CRYBG3: variants seen among roughly 807,000 people sequenced by gnomAD.
CRYBG3 encodes very large A-kinase anchor protein.
CRYBG3 carries 127 observed loss-of-function variants against 244.2 expected under a neutral mutation model. That is an observed-to-expected ratio of 0.52 (90% CI 0.45 to 0.60). The LOEUF (loss-of-function observed/expected upper bound fraction) is 0.60, where lower values mean the gene tolerates loss of function less well. Among genes scored for constraint, CRYBG3 ranks in the 20% least tolerant of loss-of-function variants. The pLI is 0.00. For missense variants in CRYBG3, 3,325 were observed against 3,442.5 expected, an observed-to-expected ratio of 0.97 and a Z score of 0.85; for synonymous variants, 1,132 against 1,195.8, an observed-to-expected ratio of 0.95 and a Z score of 1.10.
chr3:97,939,184 A>C (rs184555661), intron 19 of CRYBG3, among the ~76,000 whole-genome samples: 1 of 152,156 alleles, frequency 6.6e-6, no homozygotes, highest in East Asian at 1.9e-4. Context: ...TACTTTTACA[A>C]GGAAGTTTTT....
At position 97,875,271 on chromosome 3, in the gene CRYBG3, G is replaced by C; in HGVS notation, c.4077G>C (p.Leu1359Phe). Residue 1359 changes from leucine (L) to phenylalanine (F), a missense_variant, in exon 4 of 22, where the codon TTG (leucine) becomes TTC (phenylalanine). Leu to Phe is a conservative substitution (Grantham distance 22). Around this residue, in one of 4 missense-constraint regions of CRYBG3, gnomAD observed 635 missense variants for 771.7 expected, o/e 0.82. Transcript: ENST00000389622. The part of the protein sequence containing the change: ...VKPHDVVREF[L>F]VSEQPVNQST... ...CACATGATGTAGTTAGAGAGTTCTT[G>C]GTTTCAGAACAGCCAGTAAATCAAA... The C allele has an allele frequency of 2.0e-6, 3 of 1,472,392 alleles. No homozygotes were observed. Among genetic ancestry groups the C allele is most frequent in the Non-Finnish European group, 2.7e-6 (3 of 1,119,978 alleles). 91.2% of individuals were successfully genotyped at this position (1,472,392 alleles called of 1,614,324 possible).
Position 97,892,880 on chromosome 3 carries a change from T to G in CRYBG3, c.7461T>G (p.Pro2487=). Residue 2487 remains proline, a synonymous_variant, in exon 11 of 22, where the codon CCT becomes CCG. Transcript: ENST00000389622. ...MNLKVIIYEK[P]HFHGQAKEFS... ...TTCAGGTTATTATTTATGAAAAACC[T>G]CACTTCCATGGACAGGCTAAAGAGT... The G allele has an allele frequency of 6.6e-7, 1 of 1,507,036 alleles. No homozygotes were observed. The highest frequency in any genetic ancestry group is 1.2e-5 in the South Asian group (1 of 80,190). The allele number at this position is 1,507,036 out of a possible 1,614,324, so 93.4% of individuals were successfully genotyped here.
intron 1 of CRYBG3, among the ~76,000 whole-genome samples, chr3:97,838,115 T>C (rs1429694676): frequency 6.6e-6 from 1 of 152,100 alleles, no homozygotes; most frequent in African/African-American, 2.4e-5. Context: ...CAGTCTGTGG[T>C]ATGGACTGAA....
intron 7 of CRYBG3, among the ~76,000 whole-genome samples, chr3:97,883,658 A>G (rs940397116): frequency 4.6e-5 from 7 of 152,086 alleles, no homozygotes; most frequent in African/African-American, 1.7e-4. Flanking sequence ...TTTTAGTTGC[A>G]GTGTTAGTTC....
In CRYBG3 at chr3:97,873,343, C is replaced by A. The variant is rs988921740; in HGVS notation, c.2149C>A (p.Pro717Thr). Residue 717 changes from proline to threonine, a missense_variant, in exon 4 of 22, where the codon CCT becomes ACT. By Grantham distance (38) the Pro-to-Thr change is conservative. This residue lies in a region of CRYBG3 where 1,526 missense variants were observed against 1,443.2 expected (regional missense o/e 1.06). Coordinates refer to ENST00000389622, the MANE Select transcript of CRYBG3 (RefSeq NM_153605.4). ...TGTTGAGGCTGCAGGCAGGAAGAGTCCTCCTCCTTCCTTTTGCCTTGAATA... is the reference window on the plus strand; with the variant it reads ...TGTTGAGGCTGCAGGCAGGAAGAGTACTCCTCCTTCCTTTTGCCTTGAATA... ...NHVEAAGRKSPPPSFCLEYTS... is the reference protein window; with the variant it reads ...NHVEAAGRKSTPPSFCLEYTS... 3 of 1,535,658 alleles carry A rather than the reference C, an allele frequency of 2.0e-6. No individual in the cohort carries two copies. The African/African-American group carries it at 4.1e-5, about 21-fold the overall frequency.
At chr3:97,907,379 A>G (rs1385216757) in intron 15 of CRYBG3, among the ~76,000 whole-genome samples, 2 of 150,808 alleles carry the variant, frequency 1.3e-5, no homozygotes, top group Non-Finnish European at 3.0e-5. Flanking sequence ...CTGGTCCTGG[A>G]CTCTTTTTGG....
intron 1 of CRYBG3, among the ~76,000 whole-genome samples, chr3:97,839,690 C>T (rs1469696267): frequency 2.0e-5 from 3 of 151,926 alleles, no homozygotes; most frequent in Non-Finnish European, 4.4e-5. Context: ...CTCTATCACC[C>T]AGGTGGAGTA....
Position 97,873,382 on chromosome 3 carries a change from T to C in CRYBG3, c.2188T>C (p.Phe730Leu), listed in dbSNP as rs993607706. 6.5e-7 allele frequency: 1 copy of C among 1,535,830 alleles called. No homozygotes were observed. The highest frequency in any genetic ancestry group is 2.0e-5 in the Admixed American group (1 of 50,960). The change falls in exon 4 of 22, where the codon TTT becomes CTT. Residue 730 changes from phenylalanine to leucine, a missense_variant. Transcript: ENST00000389622. ...TTGCCTTGAATATACATCTGCAATT[T>C]TTGAATTCAAAGAAGTTCTTTCTAA... ...SFCLEYTSAI[F>L]EFKEVLSNSE... is the part of the protein sequence containing the mutation.
In CRYBG3 at chr3:97,864,346, C is replaced by T. The variant is rs754578702; in HGVS notation, c.346C>T (p.Gln116Ter). The change falls in exon 3 of 22, where the codon CAG becomes TAG. Residue 116 changes from glutamine (Q) to a stop codon, truncating the protein, a stop_gained. Coordinates refer to ENST00000389622, the MANE Select transcript of CRYBG3 (RefSeq NM_153605.4). LOFTEE classifies it high-confidence loss of function. ...TACCAAAATAGGAGAAAGTGACAGA[C>T]AGCCAAAAGAAAGCTTTTTTCAGTT... The part of the protein sequence containing the change: ...SDTKIGESDR[Q>*]PKESFFQFLG... The T allele has an allele frequency of 1.3e-6, 2 of 1,535,758 alleles. No homozygotes were observed. Among genetic ancestry groups the T allele is most frequent in the Non-Finnish European group, 1.7e-6 (2 of 1,146,796 alleles).
chr3:97,896,345 C>G (rs1409258422), intron 12 of CRYBG3, among the ~76,000 whole-genome samples: 2 of 152,140 alleles, frequency 1.3e-5, no homozygotes, highest in African/African-American at 4.8e-5. Context: ...CAGACTCAAC[C>G]CCCACATTTA....
chr3:97,868,079 C>T (rs1375604664), intron 3 of CRYBG3, among the ~76,000 whole-genome samples: 3 of 152,056 alleles, frequency 2.0e-5, no homozygotes, highest in Non-Finnish European at 4.4e-5. Flanking sequence ...GTCAGGAGAT[C>T]GAGACCATCC....
chr3:97,860,088 A>G (rs2039124558), intron 2 of CRYBG3, among the ~76,000 whole-genome samples: 1 of 152,126 alleles, frequency 6.6e-6, no homozygotes, highest in African/African-American at 2.4e-5. Flanking sequence ...TCTACTTATG[A>G]CTATTCCTAT....
chr3:97,854,069 T>C (rs934124626), intron 2 of CRYBG3, among the ~76,000 whole-genome samples: 1 of 152,152 alleles, frequency 6.6e-6, no homozygotes, highest in Non-Finnish European at 1.5e-5. Context: ...CAGCACAATT[T>C]GTTGAATAGG....
chr3:97,908,768 G>T (rs1575957149), intron 15 of CRYBG3, among the ~76,000 whole-genome samples: 1 of 152,116 alleles, frequency 6.6e-6, no homozygotes. Context: ...ATATTGTTAT[G>T]TGTGAACTTG....
Position 97,895,961 on chromosome 3 carries a change from G to T in CRYBG3, c.7577G>T (p.Trp2526Leu). The change falls in exon 12 of 22, where the codon TGG becomes TTG. Residue 2526 changes from tryptophan to leucine, a missense_variant and splice_region_variant. Physicochemically the swap from Trp to Leu is moderately conservative, Grantham distance 61. This residue lies in a region of CRYBG3 where 714 missense variants were observed against 803.6 expected (regional missense o/e 0.89). Coordinates refer to ENST00000389622, the MANE Select transcript of CRYBG3 (RefSeq NM_153605.4). Reference protein sequence around the residue: ...IGSIRVIGGVWVAYEKEHFKG... With the variant: ...IGSIRVIGGVLVAYEKEHFKG... ...TTGGGTGTCCCCTGTATTTCTAGGT[G>T]GGTTGCCTATGAAAAAGAACATTTT... The T allele has an allele frequency of 6.2e-7, 1 of 1,612,036 alleles. No homozygotes were observed.
At chr3:97,892,233 A>G (rs189735805) in intron 10 of CRYBG3, among the ~76,000 whole-genome samples, 269 of 152,316 alleles carry the variant, frequency 1.8e-3, no homozygotes, top group Non-Finnish European at 1.7e-3. Context: ...TGTTTGCTCA[A>G]CTTTAATTTT....
intron 12 of CRYBG3, 111 bp downstream of exon 12, chr3:97,896,196 G>A: frequency 1.9e-6 from 2 of 1,036,540 alleles, no homozygotes; most frequent in South Asian, 3.7e-5. Context: ...TAACACCCAA[G>A]AGTATTAACC....
intron 2 of CRYBG3, among the ~76,000 whole-genome samples, chr3:97,857,416 AG>A (rs1288649210): frequency 6.7e-6 from 1 of 149,426 alleles, no homozygotes; most frequent in African/African-American, 2.5e-5. Context: ...GATTTCCTTA[AG>A]TTTTTTTTTT....
intron 2 of CRYBG3, among the ~76,000 whole-genome samples, chr3:97,860,659 C>G (rs2039132680): frequency 6.6e-6 from 1 of 152,082 alleles, no homozygotes; most frequent in Non-Finnish European, 1.5e-5. Flanking sequence ...CTTGAGCTCA[C>G]AGTGGCATTT....
Sources: gnomAD v4.1 joint callset for allele counts (sites outside exome capture counted in the v4.1 genomes callset) on GRCh38, gnomAD v4.1.1 for gene constraint, gnomAD v4.1.1 regional missense constraint, MANE v1.5 for transcripts, NCBI Gene and HGNC (gene_info 2026-07-23, HGNC 2026-07-21) for gene names.